Variants in NEDD9 observed in about 807,000 individuals in gnomAD.
The protein encoded by NEDD9 is enhancer of filamentation 1.
A neutral mutation model predicts 76.6 loss-of-function variants in NEDD9; 26 were observed. The ratio of observed to expected loss-of-function variants is 0.34; its 90% CI spans 0.25 to 0.47. The LOEUF (loss-of-function observed/expected upper bound fraction) is 0.47. Among genes scored for constraint, NEDD9 ranks in the 20% least tolerant of loss-of-function variants. NEDD9 has a pLI of 1.00. For synonymous variants in NEDD9, 392 were observed against 414.2 expected (o/e 0.95, Z 0.65); for missense variants, 937 against 1,058.5 (o/e 0.89, Z 1.59).
At chr6:11,208,761 A>G (rs1203158490) in intron 2 of NEDD9, among the ~76,000 whole-genome samples, 2 of 152,254 alleles carry the variant, frequency 1.3e-5, no homozygotes, top group African/African-American at 4.8e-5. Flanking sequence ...AGAAGCACAT[A>G]TAATTTCCCA....
intron 1 of NEDD9, among the ~76,000 whole-genome samples, chr6:11,380,658 A>G (rs899066506): frequency 6.6e-6 from 1 of 152,132 alleles, no homozygotes; most frequent in Non-Finnish European, 1.5e-5. Context: ...TTTGCTATTC[A>G]ATCTAATCCT....
At chr6:11,316,351 A>T (rs762380316) in intron 2 of NEDD9, among the ~76,000 whole-genome samples, 1 of 152,168 alleles carries the variant, frequency 6.6e-6, no homozygotes, top group Non-Finnish European at 1.5e-5. Context: ...TTATCATCAA[A>T]GTCAGGATGG....
intron 1 of NEDD9, among the ~76,000 whole-genome samples, chr6:11,336,915 T>C (rs1275930148): frequency 3.9e-5 from 6 of 152,160 alleles, no homozygotes; most frequent in Non-Finnish European, 5.9e-5. Flanking sequence ...TACAGGGACC[T>C]GCCATCTCCT....
rs1757939520 is a variant in NEDD9, at chr6:11,184,985, A to G, written c.*177T>C. ...TAAGAACCACTCAGGGGGAAAAAAA[A>G]AGATTTCCCTCTCCAGCTCCCTGAA... On this transcript the variant is annotated 3_prime_UTR_variant, in exon 7 of 7. Transcript: ENST00000379446. 5.1e-6 allele frequency: 4 copies of G among 789,106 alleles called. No individual in the cohort carries two copies. The East Asian group carries it at 1.1e-4, about 22-fold the overall frequency. The allele number at this position is 789,106 out of a possible 1,614,324, so 48.9% of individuals were successfully genotyped here.
intron 3 of NEDD9, among the ~76,000 whole-genome samples, chr6:11,263,368 G>A (rs1760148149): frequency 6.6e-6 from 1 of 152,206 alleles, no homozygotes; most frequent in Non-Finnish European, 1.5e-5. Context: ...TAGACAGACT[G>A]TATTCTAACC....
At chr6:11,239,356 T>G (rs189798078) in intron 3 of NEDD9, among the ~76,000 whole-genome samples, 28 of 152,296 alleles carry the variant, frequency 1.8e-4, no homozygotes, top group Admixed American at 5.2e-4. Context: ...TTTGCACTTA[T>G]GTAGGTGACT....
chr6:11,220,956 T>C (rs1213310705), intron 1 of NEDD9, among the ~76,000 whole-genome samples: 1 of 152,216 alleles, frequency 6.6e-6, no homozygotes, highest in Non-Finnish European at 1.5e-5. Flanking sequence ...TTTGCATATA[T>C]GTGTGTATAC....
intron 3 of NEDD9, among the ~76,000 whole-genome samples, chr6:11,303,938 A>C (rs1447928800): frequency 6.6e-6 from 1 of 152,250 alleles, no homozygotes; most frequent in Non-Finnish European, 1.5e-5. Flanking sequence ...CAATGGCAAC[A>C]AAAGCCAAAA....
At chr6:11,220,530 C>T (rs956285840) in intron 1 of NEDD9, among the ~76,000 whole-genome samples, 1 of 152,188 alleles carries the variant, frequency 6.6e-6, no homozygotes, top group Non-Finnish European at 1.5e-5. Flanking sequence ...TGTGGGGCAG[C>T]GCCCTGTGTG....
At chr6:11,368,120 G>T (rs1192358011) in intron 1 of NEDD9, among the ~76,000 whole-genome samples, 1 of 152,178 alleles carries the variant, frequency 6.6e-6, no homozygotes, top group African/African-American at 2.4e-5. Context: ...GCGCAGTCTG[G>T]CCCTCAGTGG....
intron 3 of NEDD9, among the ~76,000 whole-genome samples, chr6:11,248,036 C>G (rs1321944450): frequency 6.6e-6 from 1 of 151,466 alleles, no homozygotes; most frequent in Non-Finnish European, 1.5e-5. Context: ...TTTTAAAACT[C>G]ATAAAGAGTT....
intron 2 of NEDD9, among the ~76,000 whole-genome samples, chr6:11,207,192 A>G (rs1278693293): frequency 2.6e-5 from 4 of 152,014 alleles, no homozygotes; most frequent in African/African-American, 9.7e-5. Flanking sequence ...CTCTAAACCT[A>G]TTTTTTGCTT....
intron 1 of NEDD9, among the ~76,000 whole-genome samples, chr6:11,374,266 A>G (rs1029528774): frequency 7.2e-5 from 11 of 152,116 alleles, no homozygotes; most frequent in Non-Finnish European, 1.6e-4. Context: ...TACACTCTTG[A>G]CTTTAACTTC....
At chr6:11,193,534 G>T in intron 3 of NEDD9, 57 bp downstream of exon 3, 1 of 1,351,606 alleles carries the variant, frequency 7.4e-7, no homozygotes, top group Non-Finnish European at 1.1e-6. Flanking sequence ...CTACAGCCCT[G>T]AAGGAATGCT....
chr6:11,206,714 G>A (rs886460073), intron 2 of NEDD9, among the ~76,000 whole-genome samples: 2 of 152,210 alleles, frequency 1.3e-5, no homozygotes, highest in Non-Finnish European at 2.9e-5. Context: ...TGAAGGCTTT[G>A]GCACTGGCCA....
At chr6:11,267,865 G>T (rs542608346) in intron 3 of NEDD9, among the ~76,000 whole-genome samples, 64 of 152,204 alleles carry the variant, frequency 4.2e-4, no homozygotes, top group Middle Eastern at 3.4e-3. Context: ...TAAGTATTAT[G>T]CCGTAAGAAT....
At chr6:11,319,390 TCA>T (rs767574861) in intron 2 of NEDD9, among the ~76,000 whole-genome samples, 45 of 127,216 alleles carry the variant, frequency 3.5e-4, no homozygotes, top group East Asian at 2.4e-3. Flanking sequence ...AGTCTCACAC[TCA>T]CACACACTCA....
At chr6:11,225,840 T>C (rs1208195425) in intron 1 of NEDD9, among the ~76,000 whole-genome samples, 1 of 147,978 alleles carries the variant, frequency 6.8e-6, no homozygotes, top group Non-Finnish European at 1.5e-5. Flanking sequence ...TGGGATTTAA[T>C]AGTCCATTGT....
intron 2 of NEDD9, among the ~76,000 whole-genome samples, chr6:11,211,383 C>T (rs1040305119): frequency 3.9e-5 from 6 of 152,306 alleles, no homozygotes; most frequent in East Asian, 1.9e-4. Context: ...AAGGAAAACA[C>T]GCTACCTTCC....
Sources: allele counts gnomAD v4.1 joint callset (sites outside exome capture counted in the v4.1 genomes callset), GRCh38; gene constraint gnomAD v4.1.1; transcripts MANE v1.5; gene names NCBI Gene and HGNC (gene_info 2026-07-23, HGNC 2026-07-21).